The following MYO9A variants were observed in gnomAD, a reference collection of about 807,000 sequenced individuals.
The protein encoded by MYO9A is unconventional myosin-IXa.
In MYO9A, 103 loss-of-function variants were observed where a neutral mutation model predicts 293.3. That is an observed-to-expected ratio of 0.35 (90% CI 0.30 to 0.41). The LOEUF is 0.41. MYO9A is among the 10% of genes least tolerant of loss of function. MYO9A has a pLI of 1.00. For missense variants in MYO9A, 2,685 were observed against 3,033.0 expected (o/e 0.89, Z 2.69); for synonymous variants, 1,001 against 1,035.7 (o/e 0.97, Z 0.64).
intron 2 of MYO9A, among the ~76,000 whole-genome samples, chr15:72,037,282 A>C (rs904612361): frequency 6.4e-5 from 8 of 125,534 alleles, no homozygotes; most frequent in Admixed American, 1.6e-4. Flanking sequence ...AAAAAAAAAA[A>C]CACCAAACAA....
At chr15:71,990,004 C>T (rs1237712810) in intron 11 of MYO9A, among the ~76,000 whole-genome samples, 4 of 151,744 alleles carry the variant, frequency 2.6e-5, no homozygotes, top group South Asian at 2.1e-4. Context: ...TCAGCTTGGG[C>T]GACAGAGCAA....
chr15:71,884,013 T>C (rs2056951551), intron 27 of MYO9A, among the ~76,000 whole-genome samples: 1 of 152,058 alleles, frequency 6.6e-6, no homozygotes, highest in South Asian at 2.1e-4. Context: ...TTCAATATTT[T>C]TTCTAAGATG....
intron 34 of MYO9A, among the ~76,000 whole-genome samples, chr15:71,858,143 T>A (rs2055942643): frequency 6.6e-6 from 1 of 152,384 alleles, no homozygotes; most frequent in South Asian, 2.1e-4. Context: ...ATAGGAACAC[T>A]TTTACACTGT....
At chr15:71,927,363 C>A (rs1486005804) in intron 18 of MYO9A, among the ~76,000 whole-genome samples, 1 of 152,132 alleles carries the variant, frequency 6.6e-6, no homozygotes, top group East Asian at 1.9e-4. Context: ...GAGTTTGATG[C>A]AATCCCATTT....
intron 19 of MYO9A, among the ~76,000 whole-genome samples, chr15:71,911,498 A>G (rs2057849706): frequency 1.3e-5 from 2 of 152,178 alleles, no homozygotes; most frequent in African/African-American, 4.8e-5. Context: ...ATAACAGCGG[A>G]TATTTTTCCT....
At chr15:71,833,033 T>TA (rs1310129361) in intron 39 of MYO9A, among the ~76,000 whole-genome samples, 3 of 149,572 alleles carry the variant, frequency 2.0e-5, no homozygotes, top group Non-Finnish European at 3.0e-5. Context: ...AAAAAAGTAG[T>TA]AAAAAAATGC....
intron 1 of MYO9A, among the ~76,000 whole-genome samples, chr15:72,053,648 C>T (rs1287082724): frequency 6.6e-6 from 1 of 152,126 alleles, no homozygotes; most frequent in Non-Finnish European, 1.5e-5. Context: ...CAAGAGCCTA[C>T]TTGAGGGTGA....
chr15:71,847,573 T>A, intron 39 of MYO9A: 3 of 364,272 alleles, frequency 8.2e-6, no homozygotes, highest in Non-Finnish European at 1.8e-5. Context: ...AATATCCATC[T>A]TCTGCAGCAC....
At position 72,087,063 on chromosome 15, in the gene MYO9A, C is replaced by G. The variant is rs187764735; in HGVS notation, c.-72+30617G>C. Among the ~76,000 whole-genome samples, 25 of 152,272 alleles carry G rather than the reference C, an allele frequency of 1.6e-4. No homozygotes were observed. In the East Asian group the frequency reaches 4.3e-3, roughly 26 times the overall value. ...TTACAGGCATGAGCCACCGCCCCGG[C>G]CCACAGGAGCTATTCTACTGCAGCT... is the stretch of plus-strand genomic sequence containing the variant. On this transcript the variant is annotated intron_variant, in intron 1 of 41. Coordinates refer to ENST00000356056, the MANE Select transcript of MYO9A (RefSeq NM_006901.4).
At chr15:72,000,229 A>C (rs966894444) in intron 8 of MYO9A, among the ~76,000 whole-genome samples, 2 of 152,228 alleles carry the variant, frequency 1.3e-5, no homozygotes, top group Non-Finnish European at 2.9e-5. Flanking sequence ...AAAACATTTT[A>C]AGATGATCAA....
At chr15:71,905,784 A>T (rs1402425663) in intron 19 of MYO9A, among the ~76,000 whole-genome samples, 1 of 150,470 alleles carries the variant, frequency 6.6e-6, no homozygotes, top group Non-Finnish European at 1.5e-5. Flanking sequence ...AAAAAAAAAA[A>T]AAAATTTGGA....
chr15:72,077,386 A>G (rs1282918147), intron 1 of MYO9A, among the ~76,000 whole-genome samples: 3 of 152,114 alleles, frequency 2.0e-5, no homozygotes, highest in Non-Finnish European at 4.4e-5. Context: ...ATAAAGGACT[A>G]GTATTCAAAA....
intron 1 of MYO9A, among the ~76,000 whole-genome samples, chr15:72,089,564 G>A (rs771198124): frequency 2.0e-5 from 3 of 152,064 alleles, no homozygotes; most frequent in Non-Finnish European, 4.4e-5. Flanking sequence ...AGGATCACTT[G>A]AGGCCAGGAG....
upstream of MYO9A, chr15:72,118,262 T>G (rs915757356): frequency 3.2e-6 from 1 of 310,746 alleles, no homozygotes; most frequent in African/African-American, 2.2e-5. Context: ...ACGCCCCCTT[T>G]CCTACGCCCC....
chr15:72,029,300 C>A (rs1318290016), intron 3 of MYO9A, among the ~76,000 whole-genome samples: 2 of 152,138 alleles, frequency 1.3e-5, no homozygotes, highest in African/African-American at 4.8e-5. Flanking sequence ...CTGAGAAATG[C>A]ATCATTAGAC....
At chr15:71,911,355 T>A (rs2057845408) in intron 19 of MYO9A, among the ~76,000 whole-genome samples, 1 of 152,170 alleles carries the variant, frequency 6.6e-6, no homozygotes, top group Non-Finnish European at 1.5e-5. Flanking sequence ...CTTCTACAAG[T>A]ATGAATTCAA....
chr15:71,904,467 A>G (rs2057573284), intron 20 of MYO9A, among the ~76,000 whole-genome samples: 1 of 152,240 alleles, frequency 6.6e-6, no homozygotes, highest in Admixed American at 6.5e-5. Context: ...AGCCTGGCCA[A>G]CATGGCAAAT....
chr15:71,931,476 C>T (rs1321965130), intron 18 of MYO9A, among the ~76,000 whole-genome samples: 2 of 152,112 alleles, frequency 1.3e-5, no homozygotes, highest in Non-Finnish European at 2.9e-5. Context: ...TTGTGGGGGA[C>T]CCTTGTATTT....
chr15:71,845,535 G>A (rs1368916152), intron 39 of MYO9A, among the ~76,000 whole-genome samples: 1 of 152,158 alleles, frequency 6.6e-6, no homozygotes, highest in African/African-American at 2.4e-5. Context: ...ATACTAAGAT[G>A]CTATTTGCCA....
Sources: gnomAD v4.1 joint callset for allele counts (sites outside exome capture counted in the v4.1 genomes callset) on GRCh38, gnomAD v4.1.1 for gene constraint, MANE v1.5 for transcripts, NCBI Gene and HGNC (gene_info 2026-07-23, HGNC 2026-07-21) for gene names.